The following GTF3C1 variants were observed in gnomAD, a reference collection of about 807,000 sequenced individuals.
The protein encoded by GTF3C1 is general transcription factor IIIC subunit 1, also known as general transcription factor 3C polypeptide 1.
GTF3C1 carries 57 observed loss-of-function variants against 226.7 expected under a neutral mutation model. That is an observed-to-expected ratio of 0.25 (90% confidence interval 0.20 to 0.31). GTF3C1 has a LOEUF of 0.31. GTF3C1 is among the 10% of genes least tolerant of loss of function. The probability of loss-of-function intolerance (pLI) is 1.00; values close to 1 mark genes in which losing one functional copy is unlikely to be tolerated. For missense variants in GTF3C1, 2,217 were observed against 2,776.1 expected (o/e 0.80, Z 4.53); for synonymous variants, 1,090 against 1,084.8 (o/e 1.00, Z -0.09).
At chr16:27,498,895 T>C (rs2088362462) in intron 12 of GTF3C1, among the ~76,000 whole-genome samples, 162 bp from the exon 13 acceptor site, 1 of 152,234 alleles carries the variant, frequency 6.6e-6, no homozygotes. Context: ...AACAGTTTGC[T>C]GGTACAGCTA....
intron 6 of GTF3C1, among the ~76,000 whole-genome samples, chr16:27,520,119 T>C (rs2088723232): frequency 6.6e-6 from 1 of 151,966 alleles, no homozygotes; most frequent in South Asian, 2.1e-4. Flanking sequence ...TGTGTTTGGT[T>C]TGGTTTTGTT....
chr16:27,515,176 G>A (rs927288712), intron 6 of GTF3C1, among the ~76,000 whole-genome samples: 4 of 152,194 alleles, frequency 2.6e-5, no homozygotes, highest in Non-Finnish European at 5.9e-5. Context: ...TGGGAGCAGT[G>A]GCTCATGCCT....
At chr16:27,493,562 G>A (rs1019441443) in intron 16 of GTF3C1, among the ~76,000 whole-genome samples, 11 of 152,104 alleles carry the variant, frequency 7.2e-5, no homozygotes, top group Non-Finnish European at 1.3e-4. Flanking sequence ...AACCTTTCCC[G>A]GGGGCAACAT....
In GTF3C1 at chr16:27,483,069, C is replaced by T; in HGVS notation, c.4058G>A (p.Arg1353Gln). The change falls in exon 26 of 37, where the codon CGA becomes CAA. Residue 1353 changes from arginine to glutamine, a missense_variant. This residue lies in a region of GTF3C1 where 546 missense variants were observed against 663.0 expected (regional missense o/e 0.82). Coordinates refer to ENST00000356183, the MANE Select transcript of GTF3C1 (RefSeq NM_001520.4). Reference protein sequence around the residue: ...DKALVGDFMNRRGDYDDPKVC... With the variant: ...DKALVGDFMNQRGDYDDPKVC... ...CTTTGGGTCATCATAGTCACCTCTT[C>T]GATTCATGAAATCTCCAACAAGTGC... 2 of 1,614,160 alleles carry T rather than the reference C, an allele frequency of 1.2e-6. No individual in the cohort carries two copies. The highest frequency in any genetic ancestry group is 1.7e-6 in the Non-Finnish European group (2 of 1,180,014).
rs762745130 is a variant in GTF3C1 at position 27,488,236 on chromosome 16, T to C, written c.3691A>G (p.Lys1231Glu). 4.3e-6 allele frequency: 7 copies of C among 1,613,522 alleles called. No homozygotes were observed. The Admixed American group carries it at 1.2e-4, about 27-fold the overall frequency. The change falls in exon 23 of 37, where the codon AAG (lysine) becomes GAG (glutamate). Residue 1231 changes from lysine to glutamate, a missense_variant. Physicochemically the swap from Lys to Glu is moderately conservative, Grantham distance 56. Coordinates refer to ENST00000356183, the MANE Select transcript of GTF3C1 (RefSeq NM_001520.4). ...ATGATCACCACATAACCTTTCTTCTTTCTCTTGATCTTCTTCCCAGGGTCC... is the reference window on the plus strand; with the variant it reads ...ATGATCACCACATAACCTTTCTTCTCTCTCTTGATCTTCTTCCCAGGGTCC... ...KKDPGKKIKR[K>E]KKGEFPGEKS...
chr16:27,534,533 T>C (rs542414611), intron 4 of GTF3C1, among the ~76,000 whole-genome samples: 3 of 152,372 alleles, frequency 2.0e-5, no homozygotes, highest in Admixed American at 2.0e-4. Flanking sequence ...GAAGGCACTG[T>C]GTCACAGCCA....
chr16:27,480,501 G>C (rs1320116759), intron 27 of GTF3C1, among the ~76,000 whole-genome samples: 1 of 152,226 alleles, frequency 6.6e-6, no homozygotes. Context: ...CAAGGGTGCT[G>C]TACAGTTCAC....
chr16:27,488,484 C>T lies in GTF3C1; in HGVS notation c.3512-69G>A. ...CAAAGGCCAGGAAGACCAAACCGAA[C>T]ATAGGGTAGTCGTTTAGGCCCTGAA... On this transcript the variant is annotated intron_variant, in intron 22 of 36. Transcript: ENST00000356183. 5 of 1,551,060 alleles carry T rather than the reference C, an allele frequency of 3.2e-6. No individual in the cohort carries two copies. The South Asian group carries it at 4.5e-5, about 14-fold the overall frequency.
intron 6 of GTF3C1, among the ~76,000 whole-genome samples, chr16:27,520,070 AGCACT>A (rs2088722137): frequency 6.6e-6 from 1 of 152,210 alleles, no homozygotes. Context: ...CCATGATCAC[AGCACT>A]GCACTCTGGC....
intron 16 of GTF3C1, 73 bp downstream of exon 16, chr16:27,494,690 C>T: frequency 8.9e-7 from 1 of 1,121,528 alleles, no homozygotes; most frequent in East Asian, 2.4e-5. Context: ...TCCTCCCTTG[C>T]CCAGGTGAGT....
chr16:27,465,156 G>GCAGC, intron 33 of GTF3C1, 104 bp downstream of exon 33: 2 of 1,027,626 alleles, frequency 1.9e-6, no homozygotes, highest in Non-Finnish European at 2.9e-6. Flanking sequence ...TAAAAAGAAC[G>GCAGC]CAGCATGCTA....
At chr16:27,505,383 C>T (rs563694832) in intron 10 of GTF3C1, among the ~76,000 whole-genome samples, 1 of 152,334 alleles carries the variant, frequency 6.6e-6, no homozygotes, top group African/African-American at 2.4e-5. Flanking sequence ...AGGAAATTCT[C>T]TGCTGTGAAG....
intron 10 of GTF3C1, among the ~76,000 whole-genome samples, 194 bp from the exon 11 acceptor site, chr16:27,503,189 T>G (rs1023165760): frequency 3.9e-5 from 6 of 152,086 alleles, no homozygotes; most frequent in African/African-American, 1.4e-4. Flanking sequence ...ATCAAAGACA[T>G]TGGCCAGCAG....
In GTF3C1 at chr16:27,478,463, A is replaced by C; in HGVS notation, c.4259+6T>G. ...AGGAAAAGCTACTCTATATATCAGT[A>C]CTTACCTGTTAAGTTCATCCTCTTT... On this transcript the variant is annotated splice_donor_region_variant and intron_variant, in intron 28 of 36. Coordinates refer to ENST00000356183, the MANE Select transcript of GTF3C1 (RefSeq NM_001520.4). 6.4e-7 allele frequency: 1 copy of C among 1,573,126 alleles called. No individual in the cohort carries two copies. The highest frequency in any genetic ancestry group is 8.8e-7 in the Non-Finnish European group (1 of 1,142,688).
intron 6 of GTF3C1, among the ~76,000 whole-genome samples, chr16:27,527,326 C>T (rs965156554): frequency 3.3e-5 from 5 of 152,190 alleles, no homozygotes; most frequent in Non-Finnish European, 7.3e-5. Context: ...GGATTACAGG[C>T]GTGTGCCACC....
In GTF3C1 at chr16:27,470,248, G is replaced by A. The variant is rs766686069; in HGVS notation, c.4674C>T (p.Ala1558=). ...TTCCTCCAGGGCCGTCCAGTGAAAA[G>A]GCCACCATGTCGTTTGTGGGCTCGT... ...DNNEPTNDMV[A]FSLDGPGGNC... The change falls in exon 31 of 37, where the codon GCC becomes GCT. Residue 1558 remains alanine, a synonymous_variant. Transcript: ENST00000356183. This position sits in a 1 kb window ranked among gnomAD's most constrained non-coding sequence, Gnocchi z 4.9. 1.9e-6 allele frequency: 3 copies of A among 1,613,968 alleles called. No homozygotes were observed. The African/African-American group carries it at 4.0e-5, about 22-fold the overall frequency.
intron 25 of GTF3C1, chr16:27,483,556 A>C (rs4787963): frequency 0.22 from 99,481 of 446,364 alleles, 12,108 homozygotes; most frequent in Middle Eastern, 0.26. Context: ...TCTCCATGAT[A>C]TAAGGAGAGC....
At chr16:27,481,833 C>T (rs962666966) in intron 26 of GTF3C1, among the ~76,000 whole-genome samples, 5 of 152,124 alleles carry the variant, frequency 3.3e-5, no homozygotes, top group African/African-American at 9.7e-5. Context: ...CCCCAGCTGC[C>T]GTGGTTTCCA....
At chr16:27,528,292 A>G (rs2141437913) in intron 6 of GTF3C1, among the ~76,000 whole-genome samples, 1 of 152,276 alleles carries the variant, frequency 6.6e-6, no homozygotes, top group African/African-American at 2.4e-5. Flanking sequence ...AAAAAAAGAA[A>G]AAGAAGGAGA....
Sources: gnomAD v4.1 joint callset for allele counts (sites outside exome capture counted in the v4.1 genomes callset) on GRCh38, gnomAD v4.1.1 for gene constraint, gnomAD v4.1.1 regional missense constraint, Gnocchi (gnomAD v3.1) non-coding constraint, MANE v1.5 for transcripts, NCBI Gene and HGNC (gene_info 2026-07-23, HGNC 2026-07-21) for gene names.